The following RSRC1 variants were observed in gnomAD, a reference collection of about 807,000 sequenced individuals.
RSRC1 encodes arginine and serine rich coiled-coil 1.
RSRC1 carries 39 observed loss-of-function variants against 49.1 expected under a neutral mutation model. The ratio of observed to expected loss-of-function variants is 0.79; its 90% CI spans 0.61 to 1.04. The LOEUF is 1.04. Among genes scored for constraint, RSRC1 ranks in the 50% least tolerant of loss-of-function variants. The pLI, the probability that RSRC1 is intolerant of heterozygous loss-of-function variation, is 0.00. For synonymous variants in RSRC1, 143 were observed against 130.8 expected, an observed-to-expected ratio of 1.09 and a Z score of -0.63; for missense variants, 388 against 402.4, an observed-to-expected ratio of 0.96 and a Z score of 0.31.
intron 4 of RSRC1, among the ~76,000 whole-genome samples, chr3:158,237,129 A>G (rs1730054): frequency 0.61 from 92,794 of 151,998 alleles, 28,692 homozygotes; most frequent in East Asian, 0.73. Context: ...CCTAAATCTT[A>G]TGATCAGCTT....
Position 158,496,739 on chromosome 3 carries a change from T to C in RSRC1, c.652+35736T>C, listed in dbSNP as rs1739340014. The stretch of plus-strand genomic sequence containing the variant: ...GATGAGCCTGTGTATGTCATGTTGG[T>C]GGTGGCCCTTTGTGCTGAACACCAA... On this transcript the variant is annotated intron_variant, in intron 7 of 9. Transcript: ENST00000611884. The C allele has an allele frequency of 2.4e-5, 7 of 290,262 alleles. No individual in the cohort carries two copies. The South Asian group carries it at 2.7e-4, about 11-fold the overall frequency. 18.0% of individuals were successfully genotyped at this position (290,262 alleles called of 1,614,324 possible).
At chr3:158,300,241 A>G (rs1526192) in intron 5 of RSRC1, among the ~76,000 whole-genome samples, 72,371 of 151,988 alleles carry the variant, frequency 0.48, 17,791 homozygotes, top group East Asian at 0.64. Context: ...AGTAAGAAGC[A>G]GATGATTTGA....
At chr3:158,265,828 T>C (rs1725141365) in intron 4 of RSRC1, among the ~76,000 whole-genome samples, 1 of 152,184 alleles carries the variant, frequency 6.6e-6, no homozygotes. Context: ...TCTAGTAGTT[T>C]CATAGGATTA....
chr3:158,283,825 G>A (rs1441353798), intron 4 of RSRC1, among the ~76,000 whole-genome samples: 1 of 151,808 alleles, frequency 6.6e-6, no homozygotes, highest in Non-Finnish European at 1.5e-5. Flanking sequence ...GGCAGTGCAT[G>A]AGGATACCTG....
chr3:158,221,541 T>C (rs1397963844), intron 4 of RSRC1, among the ~76,000 whole-genome samples: 1 of 151,586 alleles, frequency 6.6e-6, no homozygotes, highest in Non-Finnish European at 1.5e-5. Context: ...ACCAATATTC[T>C]AGTGTTGCTG....
chr3:158,173,233 A>G (rs982233980), intron 3 of RSRC1, among the ~76,000 whole-genome samples: 2 of 151,988 alleles, frequency 1.3e-5, no homozygotes, highest in Non-Finnish European at 2.9e-5. Flanking sequence ...TATTTATAAA[A>G]CAATCATCTA....
intron 1 of RSRC1, among the ~76,000 whole-genome samples, chr3:158,112,957 C>G (rs777214414): frequency 6.6e-6 from 1 of 152,126 alleles, no homozygotes; most frequent in African/African-American, 2.4e-5. Context: ...CATCCATGTC[C>G]GTGCAAATGA....
intron 4 of RSRC1, among the ~76,000 whole-genome samples, chr3:158,255,563 C>T (rs558081907): frequency 3.3e-5 from 5 of 152,218 alleles, no homozygotes; most frequent in South Asian, 4.1e-4. Flanking sequence ...TTTTTGGTTC[C>T]ATATGGACTT....
chr3:158,493,984 C>A (rs186500799), intron 7 of RSRC1, among the ~76,000 whole-genome samples: 1 of 151,900 alleles, frequency 6.6e-6, no homozygotes, highest in Admixed American at 6.6e-5. Context: ...AATAAACATA[C>A]CTGAGATAGA....
chr3:158,399,698 T>C (rs959960499), intron 6 of RSRC1, among the ~76,000 whole-genome samples: 1 of 152,146 alleles, frequency 6.6e-6, no homozygotes, highest in Non-Finnish European at 1.5e-5. Context: ...AGAGATAATT[T>C]AGCACATTTT....
chr3:158,425,270 G>A (rs894552413), intron 6 of RSRC1, among the ~76,000 whole-genome samples: 1 of 152,004 alleles, frequency 6.6e-6, no homozygotes, highest in African/African-American at 2.4e-5. Context: ...AGAGATTGTG[G>A]TATATTGTGT....
intron 7 of RSRC1, among the ~76,000 whole-genome samples, chr3:158,526,328 G>T (rs760219044): frequency 4.6e-5 from 7 of 151,926 alleles, no homozygotes; most frequent in Non-Finnish European, 8.8e-5. Context: ...AATGGGAAGC[G>T]TAGAGGATGT....
At chr3:158,206,897 A>G (rs1447634540) in intron 4 of RSRC1, among the ~76,000 whole-genome samples, 2 of 152,176 alleles carry the variant, frequency 1.3e-5, no homozygotes, top group African/African-American at 4.8e-5. Flanking sequence ...CTGGGCGACA[A>G]AGTGAGACTC....
At chr3:158,515,732 A>G (rs1446318456) in intron 7 of RSRC1, among the ~76,000 whole-genome samples, 5 of 149,986 alleles carry the variant, frequency 3.3e-5, no homozygotes, top group Non-Finnish European at 7.4e-5. Context: ...ACTTTCAGGT[A>G]CACCAATCAG....
At chr3:158,538,303 C>T (rs1463779702) in intron 8 of RSRC1, among the ~76,000 whole-genome samples, 1 of 151,850 alleles carries the variant, frequency 6.6e-6, no homozygotes, top group Non-Finnish European at 1.5e-5. Flanking sequence ...CCTGGATAAT[C>T]TGTGGTCCTT....
intron 3 of RSRC1, among the ~76,000 whole-genome samples, chr3:158,144,875 C>T (rs1412161271): frequency 1.3e-5 from 2 of 152,198 alleles, no homozygotes; most frequent in Admixed American, 6.5e-5. Flanking sequence ...TTGCCTTTCT[C>T]TGATGGCCAG....
At chr3:158,340,867 AAAATGCTG>A (rs1730197636) in intron 5 of RSRC1, among the ~76,000 whole-genome samples, 1 of 152,234 alleles carries the variant, frequency 6.6e-6, no homozygotes, top group Admixed American at 6.5e-5. Flanking sequence ...GGCTTTGCCC[AAAATGCTG>A]ATAGCGATAC....
chr3:158,200,452 A>G (rs530179099), intron 3 of RSRC1, among the ~76,000 whole-genome samples: 1 of 152,228 alleles, frequency 6.6e-6, no homozygotes, highest in African/African-American at 2.4e-5. Context: ...AATTTGACAA[A>G]CTGCCTTTTT....
chr3:158,329,550 C>G (rs974632855), intron 5 of RSRC1, among the ~76,000 whole-genome samples: 7 of 152,184 alleles, frequency 4.6e-5, no homozygotes, highest in African/African-American at 1.7e-4. Context: ...TGCAGAACAG[C>G]GAATATTGCT....
Sources: gnomAD v4.1 joint callset for allele counts (sites outside exome capture counted in the v4.1 genomes callset) on GRCh38, gnomAD v4.1.1 for gene constraint, MANE v1.5 for transcripts, NCBI Gene and HGNC (gene_info 2026-07-23, HGNC 2026-07-21) for gene names.